Variants in MKRN2 observed in about 807,000 individuals in gnomAD.
MKRN2 encodes makorin ring finger protein 2.
A neutral mutation model predicts 45.4 loss-of-function variants in MKRN2; 32 were observed. The observed-to-expected ratio is 0.70, with a 90% CI of 0.53 to 0.95. The LOEUF (loss-of-function observed/expected upper bound fraction) is 0.95, where lower values mean the gene tolerates loss of function less well. Among genes scored for constraint, MKRN2 ranks in the 40% least tolerant of loss-of-function variants. The pLI, the probability that MKRN2 is intolerant of heterozygous loss-of-function variation, is 0.00. For synonymous variants in MKRN2, 206 were observed against 192.4 expected, an observed-to-expected ratio of 1.07 and a Z score of -0.59; for missense variants, 526 against 536.7, an observed-to-expected ratio of 0.98 and a Z score of 0.20.
intron 4 of MKRN2, among the ~76,000 whole-genome samples, chr3:12,573,790 G>C (rs928986916): frequency 6.6e-6 from 1 of 152,052 alleles, no homozygotes; most frequent in African/African-American, 2.4e-5. Flanking sequence ...CTACTTGGGA[G>C]GCTGAGGCAG....
chr3:12,562,867 C>T (rs1234858963), intron 1 of MKRN2, among the ~76,000 whole-genome samples: 1 of 151,868 alleles, frequency 6.6e-6, no homozygotes, highest in Non-Finnish European at 1.5e-5. Context: ...GAAAAACAAG[C>T]TCAGTGTTCC....
chr3:12,574,999 A>G lies in MKRN2; in HGVS notation c.850A>G (p.Ile284Val), dbSNP rs34020239. 118 of 1,613,452 alleles carry G rather than the reference A, an allele frequency of 7.3e-5. No individual in the cohort carries two copies. The highest frequency in any genetic ancestry group is 2.7e-4 in the East Asian group (12 of 44,894). Residue 284 changes from isoleucine (I) to valine (V), a missense_variant, in exon 5 of 8, where the codon ATC becomes GTC. Physicochemically the swap from Ile to Val is conservative, Grantham distance 29. Coordinates refer to ENST00000170447, the MANE Select transcript of MKRN2 (RefSeq NM_014160.5). ...GTGTGCCAAACAGTTTGAAAACCCA[A>G]TCATTAAGTAAGTACAGCCAGGGGT... ...WRCAKQFENP[I>V]IKSCPECRVI...
At chr3:12,558,014 G>C (rs1322325592) in intron 1 of MKRN2, among the ~76,000 whole-genome samples, 1 of 152,210 alleles carries the variant, frequency 6.6e-6, no homozygotes, top group East Asian at 1.9e-4. Context: ...TAGTCCTATT[G>C]AATTGTATGT....
At chr3:12,581,113 CAT>C (rs1328903659) in intron 6 of MKRN2, among the ~76,000 whole-genome samples, 1 of 152,028 alleles carries the variant, frequency 6.6e-6, no homozygotes, top group Non-Finnish European at 1.5e-5. Flanking sequence ...GGGTTCTTAA[CAT>C]AGAGGTCTGT....
intron 6 of MKRN2, among the ~76,000 whole-genome samples, chr3:12,581,016 A>T (rs1218649343): frequency 1.0e-4 from 15 of 150,094 alleles, no homozygotes; most frequent in Admixed American, 2.0e-4. Flanking sequence ...TTTTTTTTTT[A>T]ACTTCAGTTT....
intron 6 of MKRN2, 192 bp downstream of exon 6, chr3:12,576,933 G>GTTTTTTTT (rs71063832): frequency 1.8e-4 from 10 of 55,992 alleles, no homozygotes; most frequent in African/African-American, 6.3e-4. Context: ...TAGTTTTGGT[G>GTTTTTTTT]TTTTTTTTTT....
chr3:12,576,532 T>C lies in MKRN2; in HGVS notation c.858-99T>C, dbSNP rs185968544. The stretch of plus-strand genomic sequence containing the variant: ...CTTTTGGAATTTCTGGTGAAGGAAA[T>C]GCCTGTAGTGGTGAGGCAGTTGAGC... On this transcript the variant is annotated intron_variant, in intron 5 of 7. Transcript: ENST00000170447. The C allele has an allele frequency of 1.5e-4, 108 of 723,610 alleles. 1 individual carries two copies. The highest frequency in any genetic ancestry group is 5.0e-4 in the Middle Eastern group (2 of 3,964). The allele number at this position is 723,610 out of a possible 1,614,324, so 44.8% of individuals were successfully genotyped here. A position where few individuals can be genotyped will look rare whatever the true frequency, so the allele number is the denominator to read the frequency against.
intron 1 of MKRN2, among the ~76,000 whole-genome samples, chr3:12,557,584 T>G (rs1189733948): frequency 1.3e-5 from 2 of 152,240 alleles, no homozygotes; most frequent in Non-Finnish European, 2.9e-5. Context: ...TAGGAGTAAT[T>G]TGTTAATCGA....
chr3:12,583,093 G>A lies in MKRN2; in HGVS notation c.*840G>A, dbSNP rs1355216253. On this transcript the variant is annotated 3_prime_UTR_variant, in exon 8 of 8. Coordinates refer to ENST00000170447, the MANE Select transcript of MKRN2 (RefSeq NM_014160.5). Reference sequence around the variant, plus strand: ...AACTCAAATATACGTGCACTTACATGTGTGGTTCGTACTCAAGTGATCTAT... The same window carrying A: ...AACTCAAATATACGTGCACTTACATATGTGGTTCGTACTCAAGTGATCTAT... 6.6e-6 allele frequency: 1 copy of A among 152,208 alleles called. No homozygotes were observed. Among genetic ancestry groups the A allele is most frequent in the Non-Finnish European group, 1.5e-5 (1 of 68,038 alleles). The allele number at this position is 152,208 out of a possible 1,614,324, so 9.4% of individuals were successfully genotyped here.
intron 3 of MKRN2, among the ~76,000 whole-genome samples, chr3:12,571,562 G>C (rs2058099683): frequency 6.6e-6 from 1 of 152,202 alleles, no homozygotes; most frequent in South Asian, 2.1e-4. Flanking sequence ...TGTGCAGTGG[G>C]AAGGCAGCAG....
intron 2 of MKRN2, 86 bp downstream of exon 2, chr3:12,569,089 G>A (rs1460568700): frequency 6.9e-6 from 10 of 1,446,128 alleles, no homozygotes; most frequent in Admixed American, 4.9e-5. Flanking sequence ...TAATGTAAAA[G>A]TAATATGGCA....
At chr3:12,569,984 CAGA>C in intron 2 of MKRN2, 84 bp from the exon 3 acceptor site, 2 of 1,283,958 alleles carry the variant, frequency 1.6e-6, no homozygotes, top group South Asian at 1.6e-5. Flanking sequence ...ACAAGTGCAG[CAGA>C]AGGAGGGCCA....
At chr3:12,580,755 G>A (rs146122039) in intron 6 of MKRN2, among the ~76,000 whole-genome samples, 3 of 152,152 alleles carry the variant, frequency 2.0e-5, no homozygotes, top group African/African-American at 4.8e-5. Flanking sequence ...CACCACACCC[G>A]GCCAGAGGGC....
At chr3:12,578,858 ATTT>A (rs374121518) in intron 6 of MKRN2, among the ~76,000 whole-genome samples, 24 of 125,232 alleles carry the variant, frequency 1.9e-4, no homozygotes, top group Admixed American at 1.6e-3. Context: ...CTAAAGCTTG[ATTT>A]TTTTTTTTTT....
chr3:12,580,473 G>A (rs1023488040), intron 6 of MKRN2, among the ~76,000 whole-genome samples: 2 of 139,462 alleles, frequency 1.4e-5, no homozygotes, highest in African/African-American at 2.7e-5. Flanking sequence ...CCCCCAGTGA[G>A]ACGAAGTCTC....
chr3:12,571,157 C>T (rs1553608301), intron 3 of MKRN2, among the ~76,000 whole-genome samples: 3 of 151,182 alleles, frequency 2.0e-5, no homozygotes, highest in Admixed American at 6.6e-5. Flanking sequence ...GATGGAGACT[C>T]GCTCTGTCGC....
At chr3:12,558,468 T>C (rs1451553244) in intron 1 of MKRN2, among the ~76,000 whole-genome samples, 2 of 152,218 alleles carry the variant, frequency 1.3e-5, no homozygotes, top group Non-Finnish European at 2.9e-5. Context: ...ATTCCTCCCC[T>C]CGCTCTATGG....
intron 6 of MKRN2, among the ~76,000 whole-genome samples, chr3:12,581,000 G>GTATC (rs1553609043): frequency 1.3e-5 from 2 of 151,318 alleles, no homozygotes; most frequent in African/African-American, 4.9e-5. Context: ...GGATTCTTGG[G>GTATC]TATCTTTTTT....
At chr3:12,571,886 A>G (rs1057096792) in intron 3 of MKRN2, among the ~76,000 whole-genome samples, 183 bp from the exon 4 acceptor site, 3 of 151,678 alleles carry the variant, frequency 2.0e-5, no homozygotes, top group Admixed American at 2.0e-4. Flanking sequence ...ATTATAAGTA[A>G]TGTCACTATG....
Sources: gnomAD v4.1 joint callset for allele counts (sites outside exome capture counted in the v4.1 genomes callset) on GRCh38, gnomAD v4.1.1 for gene constraint, MANE v1.5 for transcripts, NCBI Gene and HGNC (gene_info 2026-07-23, HGNC 2026-07-21) for gene names.